The following MYOF variants were observed in gnomAD, a reference collection of about 807,000 sequenced individuals.
MYOF encodes the protein myoferlin.
MYOF carries 244 observed loss-of-function variants against 284.2 expected under a neutral mutation model. The observed-to-expected ratio is 0.86, with a 90% confidence interval of 0.77 to 0.95. MYOF has a LOEUF of 0.95. Among genes scored for constraint, MYOF ranks in the 40% least tolerant of loss-of-function variants. MYOF has a pLI of 0.00. For synonymous variants in MYOF, 904 were observed against 919.7 expected (o/e 0.98, Z 0.31); for missense variants, 2,496 against 2,560.6 (o/e 0.97, Z 0.54).
intron 26 of MYOF, among the ~76,000 whole-genome samples, chr10:93,364,562 GGGA>G (rs1589447168): frequency 6.6e-6 from 1 of 152,184 alleles, no homozygotes; most frequent in East Asian, 1.9e-4. Flanking sequence ...ACAAACTGAA[GGGA>G]GGAGTTTAAG....
intron 32 of MYOF, among the ~76,000 whole-genome samples, chr10:93,353,520 T>G (rs890266450): frequency 3.3e-5 from 5 of 152,162 alleles, no homozygotes; most frequent in Non-Finnish European, 7.3e-5. Context: ...CAGCCATGTA[T>G]ATAAACAGAG....
intron 21 of MYOF, among the ~76,000 whole-genome samples, chr10:93,377,808 T>G (rs1484299014): frequency 6.6e-6 from 1 of 152,142 alleles, no homozygotes; most frequent in East Asian, 1.9e-4. Context: ...GGAGTAAATA[T>G]ATTGAGGATA....
At chr10:93,340,548 C>T (rs990376937) in intron 38 of MYOF, among the ~76,000 whole-genome samples, 4 of 152,124 alleles carry the variant, frequency 2.6e-5, no homozygotes, top group Non-Finnish European at 5.9e-5. Context: ...CCAGATCTTA[C>T]GTTCGTTTTA....
chr10:93,374,982 A>T (rs778424022), intron 22 of MYOF, 27 bp from the exon 23 acceptor site: 1 of 1,596,354 alleles, frequency 6.3e-7, no homozygotes, highest in Non-Finnish European at 8.5e-7. Flanking sequence ...AAAAAGAAAC[A>T]GAGGATTTGA....
intron 1 of MYOF, among the ~76,000 whole-genome samples, chr10:93,470,066 T>TA (rs554638188): frequency 6.6e-6 from 1 of 151,510 alleles, no homozygotes; most frequent in African/African-American, 2.4e-5. Flanking sequence ...CAGTCTCTGC[T>TA]AAAAAAACAA....
intron 5 of MYOF, among the ~76,000 whole-genome samples, chr10:93,422,659 AG>A (rs1260193116): frequency 5.9e-5 from 9 of 152,114 alleles, no homozygotes; most frequent in African/African-American, 2.2e-4. Context: ...AGCCGGGCAT[AG>A]TGGTGCACAC....
intron 46 of MYOF, among the ~76,000 whole-genome samples, chr10:93,325,147 C>T (rs1842989079): frequency 6.6e-6 from 1 of 152,184 alleles, no homozygotes; most frequent in Admixed American, 6.5e-5. Context: ...TTCCTGGACC[C>T]ACCCTAGACC....
At chr10:93,453,614 G>A (rs11187433) in intron 2 of MYOF, among the ~76,000 whole-genome samples, 90,079 of 152,016 alleles carry the variant, frequency 0.59, 27,821 homozygotes, top group Non-Finnish European at 0.67. Flanking sequence ...GCTTCTCTTA[G>A]AACACACCCA....
chr10:93,316,068 T>A (rs1185746594), intron 50 of MYOF, among the ~76,000 whole-genome samples: 1 of 151,838 alleles, frequency 6.6e-6, no homozygotes, highest in Admixed American at 6.6e-5. Context: ...GAGGTTGCAG[T>A]GAGCTATGAT....
intron 16 of MYOF, 88 bp downstream of exon 16, chr10:93,396,054 T>C (rs1310966616): frequency 1.0e-6 from 1 of 998,294 alleles, no homozygotes; most frequent in East Asian, 2.5e-5. Context: ...CCAAACCTAC[T>C]GTGAGGTGGC....
Position 93,426,201 on chromosome 10 carries a change from A to C in MYOF, c.346-43T>G, listed in dbSNP as rs1339200672. The stretch of plus-strand genomic sequence containing the variant: ...GTTGCAAATATTATCAGTGCAGGGC[A>C]CCAGCATGTTATAGACTCAATGCAA... On this transcript the variant is annotated intron_variant, in intron 4 of 53. Transcript: ENST00000359263. 3 of 1,540,884 alleles carry C rather than the reference A, an allele frequency of 1.9e-6. No individual in the cohort carries two copies. In the South Asian group the frequency reaches 3.6e-5, roughly 19 times the overall value.
At chr10:93,402,176 C>A (rs1002592044) in intron 11 of MYOF, 56 bp downstream of exon 11, 2 of 1,443,662 alleles carry the variant, frequency 1.4e-6, no homozygotes, top group Admixed American at 3.4e-5. Context: ...ACATGCTTAA[C>A]TCTTGGCCTT....
At chr10:93,403,251 T>C (rs1165853498) in intron 9 of MYOF, among the ~76,000 whole-genome samples, 2 of 152,204 alleles carry the variant, frequency 1.3e-5, no homozygotes, top group South Asian at 4.1e-4. Flanking sequence ...CAATTTCCTG[T>C]CCAGTTCTCC....
intron 13 of MYOF, among the ~76,000 whole-genome samples, chr10:93,398,397 C>A (rs937286371): frequency 1.3e-5 from 2 of 152,192 alleles, no homozygotes; most frequent in Non-Finnish European, 2.9e-5. Flanking sequence ...CACTGGGCAC[C>A]ATTTAAAATT....
chr10:93,409,515 C>CAATTG (rs1847795971), intron 6 of MYOF, 58 bp downstream of exon 6: 1 of 1,573,620 alleles, frequency 6.4e-7, no homozygotes, highest in Non-Finnish European at 8.6e-7. Flanking sequence ...ACTGCAATTG[C>CAATTG]CAGAAGATGG....
intron 2 of MYOF, among the ~76,000 whole-genome samples, 191 bp from the exon 3 acceptor site, chr10:93,452,332 C>T (rs771991134): frequency 3.6e-4 from 54 of 152,102 alleles, no homozygotes; most frequent in African/African-American, 1.3e-3. Flanking sequence ...AACCAGATGT[C>T]GACTTAGAGG....
At chr10:93,374,717 C>T (rs532895302) in intron 23 of MYOF, 46 bp downstream of exon 23, 15 of 1,571,186 alleles carry the variant, frequency 9.5e-6, no homozygotes, top group Admixed American at 1.8e-5. Flanking sequence ...TTTCGCAGAG[C>T]CCTTCTTCCA....
At chr10:93,368,961 A>G (rs1845450558) in intron 25 of MYOF, among the ~76,000 whole-genome samples, 1 of 152,172 alleles carries the variant, frequency 6.6e-6, no homozygotes, top group Non-Finnish European at 1.5e-5. Context: ...AGCATAAAAA[A>G]TCAAAACAAT....
At chr10:93,471,873 G>A (rs956588576) in intron 1 of MYOF, among the ~76,000 whole-genome samples, 1 of 143,336 alleles carries the variant, frequency 7.0e-6, no homozygotes, top group African/African-American at 2.6e-5. Flanking sequence ...TGGGTGACAA[G>A]AGTGAAACAC....
Sources: allele counts gnomAD v4.1 joint callset (sites outside exome capture counted in the v4.1 genomes callset), GRCh38; gene constraint gnomAD v4.1.1; transcripts MANE v1.5; gene names NCBI Gene and HGNC (gene_info 2026-07-23, HGNC 2026-07-21).